SLCO2A1: variants seen among roughly 807,000 people sequenced by gnomAD.
SLCO2A1 encodes solute carrier organic anion transporter family member 2A1, also known as matrin F/G 1.
A neutral mutation model predicts 71.7 loss-of-function variants in SLCO2A1; 60 were observed. The observed-to-expected ratio is 0.84, with a 90% CI of 0.68 to 1.04. SLCO2A1 has a LOEUF of 1.04. SLCO2A1 is among the 50% of genes least tolerant of loss of function. The pLI, the probability that SLCO2A1 is intolerant of heterozygous loss-of-function variation, is 0.00. For synonymous variants in SLCO2A1, 308 were observed against 326.7 expected, an observed-to-expected ratio of 0.94 and a Z score of 0.62; for missense variants, 745 against 813.4, an observed-to-expected ratio of 0.92 and a Z score of 1.02.
At chr3:133,937,544 C>A (rs74704544) in intron 12 of SLCO2A1, among the ~76,000 whole-genome samples, 11,537 of 152,210 alleles carry the variant, frequency 0.076, 1,444 homozygotes, top group African/African-American at 0.26. Context: ...CACTGCAGGG[C>A]GCGGTGTTGA....
At chr3:133,956,604 T>A (rs1432383227) in intron 3 of SLCO2A1, among the ~76,000 whole-genome samples, 2 of 152,228 alleles carry the variant, frequency 1.3e-5, no homozygotes, top group African/African-American at 4.8e-5. Context: ...TCAGGGTCCC[T>A]CTGTACCTCC....
chr3:133,991,355 G>T (rs1934840278), intron 1 of SLCO2A1, among the ~76,000 whole-genome samples: 1 of 152,162 alleles, frequency 6.6e-6, no homozygotes, highest in Admixed American at 6.5e-5. Flanking sequence ...CTTCTGCAGG[G>T]TGTGGCTGTG....
intron 1 of SLCO2A1, among the ~76,000 whole-genome samples, chr3:133,987,245 A>G (rs1448625809): frequency 4.0e-5 from 6 of 149,430 alleles, no homozygotes; most frequent in Non-Finnish European, 7.4e-5. Context: ...AGGTCTCGAC[A>G]GGAAGTGGGG....
chr3:134,026,088 A>G (rs891331497), intron 1 of SLCO2A1, among the ~76,000 whole-genome samples: 5 of 152,218 alleles, frequency 3.3e-5, no homozygotes, highest in Non-Finnish European at 7.3e-5. Context: ...TTCCCAGCTC[A>G]GAAGAATCAC....
chr3:133,953,759 T>TG lies in SLCO2A1; in HGVS notation c.627dup (p.Ile210HisfsTer36). 1 of 1,613,694 alleles carries TG rather than the reference T, an allele frequency of 6.2e-7. No individual in the cohort carries two copies. The highest frequency in any genetic ancestry group is 8.5e-7 in the Non-Finnish European group (1 of 1,179,718). The stretch of plus-strand genomic sequence containing the variant: ...CCAAATACAGAGATGGCAAATAAGA[T>TG]GGCTGGAAAAGGAAGTAAGGGGAAG... On this transcript the variant is annotated frameshift_variant and splice_region_variant, in exon 5 of 14. Coordinates refer to ENST00000310926, the MANE Select transcript of SLCO2A1 (RefSeq NM_005630.3). LOFTEE classifies it high-confidence loss of function.
chr3:133,955,242 C>T, intron 3 of SLCO2A1, 49 bp from the exon 4 acceptor site: 1 of 1,529,150 alleles, frequency 6.5e-7, no homozygotes, highest in Non-Finnish European at 8.9e-7. Flanking sequence ...CTCCTGGTTC[C>T]ACCGGCTGGC....
chr3:134,000,798 A>G (rs1176811787), intron 1 of SLCO2A1, among the ~76,000 whole-genome samples: 2 of 152,220 alleles, frequency 1.3e-5, no homozygotes, highest in Middle Eastern at 3.2e-3. Context: ...TCCCTGAGCC[A>G]GACTGTAGGT....
At chr3:134,008,682 C>T (rs1275217582) in intron 1 of SLCO2A1, among the ~76,000 whole-genome samples, 1 of 152,190 alleles carries the variant, frequency 6.6e-6, no homozygotes, top group African/African-American at 2.4e-5. Flanking sequence ...GATACATTTG[C>T]TTCTCCAGGA....
intron 6 of SLCO2A1, among the ~76,000 whole-genome samples, chr3:133,950,545 C>A (rs552955298): frequency 1.4e-3 from 207 of 152,308 alleles, no homozygotes; most frequent in Non-Finnish European, 2.3e-3. Context: ...CCTTCCCTAC[C>A]CCCTAAACTC....
rs570848000 is a variant in SLCO2A1 at position 133,935,686 on chromosome 3, G to A, written c.1814+88C>T. Reference sequence around the variant, plus strand: ...TGTTCTCTTCCTTGGAAGCCTGACAGCCCCCACAGTAGCCACTGGGCATAT... The same window carrying A: ...TGTTCTCTTCCTTGGAAGCCTGACAACCCCCACAGTAGCCACTGGGCATAT... On this transcript the variant is annotated intron_variant, in intron 13 of 13. Transcript: ENST00000310926. 21 of 1,385,542 alleles carry A rather than the reference G, an allele frequency of 1.5e-5. No homozygotes were observed. In the African/African-American group the frequency reaches 3.0e-4, roughly 20 times the overall value. The allele number at this position is 1,385,542 out of a possible 1,614,324, so 85.8% of individuals were successfully genotyped here.
chr3:133,948,730 C>A (rs1352488082), intron 7 of SLCO2A1, 30 bp from the exon 8 acceptor site: 2 of 1,608,340 alleles, frequency 1.2e-6, no homozygotes, highest in Non-Finnish European at 1.7e-6. Context: ...AAGGCTCTGG[C>A]AGAACCCCTG....
chr3:133,982,842 C>T (rs9870646), intron 1 of SLCO2A1, among the ~76,000 whole-genome samples: 68,917 of 151,392 alleles, frequency 0.46, 16,577 homozygotes, highest in Non-Finnish European at 0.55. Flanking sequence ...GAGCAGGTCA[C>T]GCCTGAATTG....
intron 13 of SLCO2A1, among the ~76,000 whole-genome samples, chr3:133,935,474 C>T (rs1422791686): frequency 1.3e-5 from 2 of 152,202 alleles, no homozygotes; most frequent in South Asian, 4.1e-4. Context: ...TCCAGCCATC[C>T]CCGCCCCTTC....
intron 3 of SLCO2A1, among the ~76,000 whole-genome samples, chr3:133,963,598 C>T (rs1338415052): frequency 1.3e-5 from 2 of 152,240 alleles, no homozygotes; most frequent in Non-Finnish European, 2.9e-5. Context: ...CCCCTCCCTG[C>T]TCAGAAGGAG....
At chr3:133,988,663 C>T (rs1009489454) in intron 1 of SLCO2A1, among the ~76,000 whole-genome samples, 5 of 152,118 alleles carry the variant, frequency 3.3e-5, no homozygotes, top group Non-Finnish European at 7.4e-5. Context: ...AGGGAGAGTT[C>T]GGGGTACTGA....
rs2108035460 is a variant in SLCO2A1 at position 133,935,870 on chromosome 3, C to A, written c.1718G>T (p.Gly573Val). 6.2e-7 allele frequency: 1 copy of A among 1,607,228 alleles called. No homozygotes were observed. The highest frequency in any genetic ancestry group is 8.5e-7 in the Non-Finnish European group (1 of 1,176,034). The change falls in exon 13 of 14, where the codon GGC becomes GTC. Residue 573 changes from glycine (G) to valine (V), a missense_variant. By Grantham distance (109) the Gly-to-Val change is moderately radical (BLOSUM62 -3). Transcript: ENST00000310926. ...LAWLPSPALYGLTIDHSCIRW... is the reference protein window; with the variant it reads ...LAWLPSPALYVLTIDHSCIRW... ...GATGCAGGAGTGGTCAATGGTGAGG[C>A]CATAGAGGGCTGGAGATGGCAGCCA...
intron 9 of SLCO2A1, among the ~76,000 whole-genome samples, chr3:133,946,056 T>G (rs1365052387): frequency 1.3e-5 from 2 of 152,140 alleles, no homozygotes; most frequent in Admixed American, 1.3e-4. Flanking sequence ...CAAAGCCATG[T>G]GCTAAACTCC....
intron 1 of SLCO2A1, among the ~76,000 whole-genome samples, chr3:134,000,664 G>A (rs144180830): frequency 3.7e-3 from 565 of 152,256 alleles, no homozygotes; most frequent in Middle Eastern, 0.01. Flanking sequence ...GGAAGAAAAG[G>A]TAAGGTCCCT....
chr3:133,973,666 T>G lies in SLCO2A1; in HGVS notation c.394A>C (p.Thr132Pro), dbSNP rs1438712063. The G allele has an allele frequency of 6.2e-7, 1 of 1,613,654 alleles. No homozygotes were observed. The highest frequency in any genetic ancestry group is 8.5e-7 in the Non-Finnish European group (1 of 1,179,994). The change falls in exon 3 of 14, where the codon ACT becomes CCT. Residue 132 changes from threonine to proline, a missense_variant. Coordinates refer to ENST00000310926, the MANE Select transcript of SLCO2A1 (RefSeq NM_005630.3). The stretch of plus-strand genomic sequence containing the variant: ...GCAGGGGTTGGAAGCCACTCACCAG[T>G]GCTGGCCAAGGTGTACTGGTAGGGC... ...SEPYQYTLAS[T>P]GNNSRLQAEL...
Sources: gnomAD v4.1 joint callset for allele counts (sites outside exome capture counted in the v4.1 genomes callset) on GRCh38, gnomAD v4.1.1 for gene constraint, MANE v1.5 for transcripts, NCBI Gene and HGNC (gene_info 2026-07-23, HGNC 2026-07-21) for gene names.